Variants in MED13 observed in about 807,000 individuals in gnomAD.
The protein encoded by MED13 is mediator of RNA polymerase II transcription subunit 13.
A neutral mutation model predicts 225.2 loss-of-function variants in MED13; 23 were observed. The observed-to-expected ratio is 0.10, with a 90% CI of 0.07 to 0.14. MED13 has a LOEUF of 0.14. Ranked by LOEUF, MED13 falls within the 10% of genes least tolerant of loss-of-function variation. The probability of loss-of-function intolerance (pLI) is 1.00; values close to 1 mark genes in which losing one functional copy is unlikely to be tolerated. For synonymous variants in MED13, 942 were observed against 889.2 expected, an observed-to-expected ratio of 1.06 and a Z score of -1.06; for missense variants, 2,197 against 2,594.5, an observed-to-expected ratio of 0.85 and a Z score of 3.33.
At chr17:61,955,134 A>G (rs2079931326) in intron 26 of MED13, among the ~76,000 whole-genome samples, 1 of 152,034 alleles carries the variant, frequency 6.6e-6, no homozygotes, top group Admixed American at 6.6e-5. Flanking sequence ...TGTTTCCACC[A>G]CATGGCTTTC....
chr17:62,010,395 A>G (rs1262541218), intron 9 of MED13, 155 bp downstream of exon 9: 2 of 471,206 alleles, frequency 4.2e-6, no homozygotes, highest in Non-Finnish European at 6.9e-6. Context: ...AAGTTCCCTG[A>G]GGAAAAAACA....
intron 9 of MED13, 22 bp downstream of exon 9, chr17:62,010,528 G>C (rs774430052): frequency 3.5e-5 from 49 of 1,381,538 alleles, no homozygotes; most frequent in Non-Finnish European, 4.6e-5. Flanking sequence ...TTATAATGGT[G>C]ACTATTAAAA....
At chr17:62,002,489 C>CAA (rs35736875) in intron 9 of MED13, among the ~76,000 whole-genome samples, 933 of 50,496 alleles carry the variant, frequency 0.018, 23 homozygotes, top group African/African-American at 0.036. Flanking sequence ...AACTCCATCT[C>CAA]AAAAAAAAAA....
At chr17:61,975,164 A>G (rs1603395269) in intron 16 of MED13, among the ~76,000 whole-genome samples, 1 of 152,106 alleles carries the variant, frequency 6.6e-6, no homozygotes, top group East Asian at 1.9e-4. Context: ...TGAAAAGACA[A>G]TCCAGAGTAC....
At chr17:62,020,906 C>T (rs1401384716) in intron 8 of MED13, among the ~76,000 whole-genome samples, 1 of 151,502 alleles carries the variant, frequency 6.6e-6, no homozygotes. Context: ...GAGCATGCTG[C>T]CTTCAAGCAT....
intron 8 of MED13, among the ~76,000 whole-genome samples, chr17:62,019,995 C>T (rs1416668930): frequency 1.3e-5 from 2 of 152,034 alleles, no homozygotes; most frequent in African/African-American, 2.4e-5. Flanking sequence ...CCGCCCGCCT[C>T]GGCCTCCCAA....
At chr17:62,025,494 C>T (rs1343629956) in intron 8 of MED13, among the ~76,000 whole-genome samples, 1 of 151,984 alleles carries the variant, frequency 6.6e-6, no homozygotes, top group African/African-American at 2.4e-5. Context: ...ATGGTGAAAC[C>T]CCGTCTCTAC....
At chr17:62,047,721 T>G (rs550188615) in intron 3 of MED13, among the ~76,000 whole-genome samples, 2 of 150,704 alleles carry the variant, frequency 1.3e-5, no homozygotes, top group African/African-American at 2.4e-5. Context: ...AAAGTAAAAA[T>G]AAACAAACAA....
intron 17 of MED13, among the ~76,000 whole-genome samples, chr17:61,970,671 G>C (rs2080098781): frequency 1.0e-5 from 1 of 97,386 alleles, no homozygotes; most frequent in African/African-American, 4.3e-5. Flanking sequence ...AAGAGAGTGA[G>C]ACTGTCTCAA....
chr17:62,061,199 T>A (rs1568009350), intron 2 of MED13, among the ~76,000 whole-genome samples: 1 of 152,100 alleles, frequency 6.6e-6, no homozygotes, highest in Non-Finnish European at 1.5e-5. Context: ...TAATAGTCTT[T>A]TAACTTTCAC....
At chr17:62,064,884 G>C (rs746699682) in intron 1 of MED13, among the ~76,000 whole-genome samples, 1 of 152,202 alleles carries the variant, frequency 6.6e-6, no homozygotes, top group Admixed American at 6.5e-5. Context: ...CTCAAGTTGA[G>C]GACGAGACTA....
chr17:62,037,270 AAAAAT>A (rs1473728349), intron 3 of MED13, among the ~76,000 whole-genome samples: 5 of 151,990 alleles, frequency 3.3e-5, no homozygotes, highest in African/African-American at 7.2e-5. Flanking sequence ...ATAAGTAAAT[AAAAAT>A]AAAATAAAAT....
Position 62,031,501 on chromosome 17 carries a change from G to A in MED13, c.952C>T (p.Pro318Ser). ...VHQVPASTRDPAMSSVTLTPP... is the reference protein window; with the variant it reads ...VHQVPASTRDSAMSSVTLTPP... ...GTAAGCGTAACCGAAGACATAGCAGGATCTCTTGTGGAAGCAGGCACTTGG... is the reference window on the plus strand; with the variant it reads ...GTAAGCGTAACCGAAGACATAGCAGAATCTCTTGTGGAAGCAGGCACTTGG... The change falls in exon 6 of 30, where the codon CCT (proline) becomes TCT (serine). Residue 318 changes from proline to serine, a missense_variant. Coordinates refer to ENST00000397786, the MANE Select transcript of MED13 (RefSeq NM_005121.3). 6.2e-7 allele frequency: 1 copy of A among 1,613,878 alleles called. No homozygotes were observed. The highest frequency in any genetic ancestry group is 1.3e-5 in the African/African-American group (1 of 75,054).
At position 61,955,798 on chromosome 17, in the gene MED13, T is replaced by G. The variant is rs2079938280; in HGVS notation, c.5664A>C (p.Leu1888=). 6.2e-7 allele frequency: 1 copy of G among 1,600,786 alleles called. No homozygotes were observed. Among genetic ancestry groups the G allele is most frequent in the Non-Finnish European group, 8.5e-7 (1 of 1,176,578 alleles). ...CLLSRRNLQS[L]SKRLKDMCRM... is the part of the protein sequence containing the mutation. ...TACACATGTCTTTGAGCCTTTTACT[T>G]AGAGACTGCAAGTTTCGACGACTCA... Residue 1888 remains leucine, a synonymous_variant, in exon 25 of 30, where the codon CTA becomes CTC. Transcript: ENST00000397786.
intron 3 of MED13, among the ~76,000 whole-genome samples, chr17:62,037,182 T>C (rs533582589): frequency 1.6e-3 from 241 of 150,024 alleles, no homozygotes; most frequent in African/African-American, 5.7e-3. Context: ...GAATCCACGA[T>C]GTGGAGGCTG....
chr17:62,054,890 C>T (rs2080984662), intron 2 of MED13, among the ~76,000 whole-genome samples: 1 of 152,188 alleles, frequency 6.6e-6, no homozygotes, highest in Admixed American at 6.5e-5. Flanking sequence ...TAAGAAACCA[C>T]TACCAACATA....
At chr17:62,020,587 G>C (rs2080631086) in intron 8 of MED13, among the ~76,000 whole-genome samples, 1 of 151,574 alleles carries the variant, frequency 6.6e-6, no homozygotes, top group Non-Finnish European at 1.5e-5. Context: ...CACCATGGTG[G>C]CCAGGATGGT....
At chr17:62,019,035 C>G (rs2080611310) in intron 8 of MED13, among the ~76,000 whole-genome samples, 1 of 152,210 alleles carries the variant, frequency 6.6e-6, no homozygotes. Context: ...GAAACTACCA[C>G]TTGTCAATTT....
At chr17:62,049,611 C>T (rs2080936554) in intron 3 of MED13, among the ~76,000 whole-genome samples, 1 of 152,062 alleles carries the variant, frequency 6.6e-6, no homozygotes, top group Admixed American at 6.6e-5. Flanking sequence ...TCATTAACAC[C>T]TGGGAAAACA....
Sources: allele counts gnomAD v4.1 joint callset (sites outside exome capture counted in the v4.1 genomes callset), GRCh38; gene constraint gnomAD v4.1.1; transcripts MANE v1.5; gene names NCBI Gene and HGNC (gene_info 2026-07-23, HGNC 2026-07-21).